PUM1: variants seen among roughly 807,000 people sequenced by gnomAD.
PUM1 encodes the protein pumilio RNA binding family member 1, also known as pumilio homolog 1.
A neutral mutation model predicts 131.8 loss-of-function variants in PUM1; 13 were observed. That is an observed-to-expected ratio of 0.10 (90% confidence interval 0.06 to 0.16). The LOEUF is 0.16. Among genes scored for constraint, PUM1 ranks in the 10% least tolerant of loss-of-function variants. PUM1 has a pLI of 1.00. For missense variants in PUM1, 961 were observed against 1,512.4 expected (o/e 0.64, Z 6.05); for synonymous variants, 509 against 556.5 (o/e 0.91, Z 1.20).
At chr1:31,035,477 C>G (rs1247819435) in intron 2 of PUM1, among the ~76,000 whole-genome samples, 1 of 152,024 alleles carries the variant, frequency 6.6e-6, no homozygotes, top group African/African-American at 2.4e-5. Context: ...GTTGGTGGGG[C>G]GCAGTGGCTC....
rs200492434 is a variant in PUM1 at position 31,038,958 on chromosome 1, T to TTATATATA, written c.364-10102_364-10095dup. ...TAGCCATTTAAAATGTTTTAAAATT[T>TTATATATA]TATATATATATATATATATATATAT... On this transcript the variant is annotated intron_variant, in intron 2 of 21. Transcript: ENST00000426105. 1.3e-3 allele frequency among the ~76,000 whole-genome samples: 58 copies of TTATATATA among 43,910 alleles called. 1 individual carries two copies. The highest frequency in any genetic ancestry group is 4.6e-3 in the East Asian group (9 of 1,966). The allele number at this position is 43,910 out of a possible 152,430, so 28.8% of individuals were successfully genotyped here. A position where few individuals can be genotyped will look rare whatever the true frequency, so the allele number is the denominator to read the frequency against.
chr1:31,040,749 A>G (rs994426026), intron 2 of PUM1, among the ~76,000 whole-genome samples: 1 of 152,042 alleles, frequency 6.6e-6, no homozygotes, highest in African/African-American at 2.4e-5. Flanking sequence ...CTCTAAAACT[A>G]ATAATAAATT....
At chr1:30,962,802 CAG>C (rs1640471703) in intron 14 of PUM1, among the ~76,000 whole-genome samples, 1 of 152,094 alleles carries the variant, frequency 6.6e-6, no homozygotes, top group African/African-American at 2.4e-5. Flanking sequence ...ACTTCAACAG[CAG>C]AGTTAAATAT....
At chr1:30,938,904 T>TAGACAGAC (rs59153241) in intron 20 of PUM1, among the ~76,000 whole-genome samples, 8 of 70,834 alleles carry the variant, frequency 1.1e-4, no homozygotes, top group Admixed American at 2.9e-4. Flanking sequence ...GATAGATAGA[T>TAGACAGAC]AGACAGACAG....
Position 30,933,428 on chromosome 1 carries a change from TCACACACACATACA to T in PUM1, c.3436-100_3436-87del, listed in dbSNP as rs1259255289. ...CGGACATGCATTTGCATGTCATGCA[TCACACACACATACA>T]CACACACACACACACACACACACAC... On this transcript the variant is annotated intron_variant, in intron 21 of 21. Coordinates refer to ENST00000426105, the MANE Select transcript of PUM1 (RefSeq NM_001020658.2). The T allele has an allele frequency of 1.7e-5, 16 of 950,648 alleles. No homozygotes were observed. The East Asian group carries it at 2.4e-4, about 15-fold the overall frequency. 58.9% of individuals were successfully genotyped at this position (950,648 alleles called of 1,614,324 possible).
At chr1:30,952,120 C>G (rs1639959778) in intron 16 of PUM1, 114 bp downstream of exon 16, 1 of 1,007,146 alleles carries the variant, frequency 9.9e-7, no homozygotes, top group East Asian at 2.5e-5. Context: ...AAAAAGACCA[C>G]ACACCCTTCA....
chr1:30,933,209 C>A lies in PUM1; in HGVS notation c.*2G>T. 1 of 1,609,770 alleles carries A rather than the reference C, an allele frequency of 6.2e-7. No homozygotes were observed. The highest frequency in any genetic ancestry group is 1.7e-4 in the Middle Eastern group (1 of 6,044). ...AATGAGGGAACAGCGGGTGACACTG[C>A]CTCAGATGATACCATTAGGGGGGCC... On this transcript the variant is annotated 3_prime_UTR_variant, in exon 22 of 22. Coordinates refer to ENST00000426105, the MANE Select transcript of PUM1 (RefSeq NM_001020658.2).
At chr1:30,977,244 A>G (rs577703482) in intron 9 of PUM1, among the ~76,000 whole-genome samples, 5 of 152,224 alleles carry the variant, frequency 3.3e-5, no homozygotes, top group Non-Finnish European at 7.3e-5. Context: ...ATCAAGGTCA[A>G]GTGTGGAATT....
At position 30,966,051 on chromosome 1, in the gene PUM1, A is replaced by G. The variant is rs767161938; in HGVS notation, c.2017T>C (p.Leu673=). The change falls in exon 13 of 22, where the codon TTG becomes CTG. Residue 673 remains leucine, a synonymous_variant. Transcript: ENST00000426105. ...AGAGAACTGCTACTTCCGAATCCCA[A>G]GGATGTGTTGGCAGGCTGGGCAGAG... ...QGSAQPANTS[L]GFGSSSSLGA... 19 of 1,614,044 alleles carry G rather than the reference A, an allele frequency of 1.2e-5. No homozygotes were observed. The East Asian group carries it at 3.8e-4, about 32-fold the overall frequency.
At chr1:30,936,863 T>A in intron 20 of PUM1, 28 bp from the exon 21 acceptor site, 1 of 1,553,286 alleles carries the variant, frequency 6.4e-7, no homozygotes. Context: ...CAGGGACAAC[T>A]CTTACAAGAG....
chr1:30,934,088 A>G (rs969105845), intron 21 of PUM1, among the ~76,000 whole-genome samples: 16 of 152,042 alleles, frequency 1.1e-4, no homozygotes, highest in African/African-American at 3.9e-4. Flanking sequence ...AGGCTCTCCG[A>G]CCTATGCTCT....
chr1:30,969,030 G>A (rs776139199), intron 10 of PUM1, among the ~76,000 whole-genome samples: 23 of 152,102 alleles, frequency 1.5e-4, no homozygotes, highest in Non-Finnish European at 3.1e-4. Flanking sequence ...CAGGCCAGGC[G>A]TGGTGGCTCA....
chr1:30,945,418 G>A lies in PUM1; in HGVS notation c.2922C>T (p.His974=), dbSNP rs148194345. 105 of 1,613,978 alleles carry A rather than the reference G, an allele frequency of 6.5e-5. No homozygotes were observed. Among genetic ancestry groups the A allele is most frequent in the South Asian group, 8.8e-5 (8 of 91,084 alleles). Residue 974 remains histidine (H), a synonymous_variant, in exon 18 of 22, where the codon CAC becomes CAT. Coordinates refer to ENST00000426105, the MANE Select transcript of PUM1 (RefSeq NM_001020658.2). ...CACATTCAATGCATTTCTGAACCAC[G>A]TGATTGCCATTCTGATCTTTCACAC... The part of the protein sequence containing the change: ...LKCVKDQNGN[H]VVQKCIECVQ...
chr1:31,000,116 G>C (rs941181741), intron 5 of PUM1, among the ~76,000 whole-genome samples: 8 of 152,190 alleles, frequency 5.3e-5, no homozygotes, highest in African/African-American at 1.9e-4. Flanking sequence ...TCCTCAAATA[G>C]CTCGGGTAAG....
rs115080337 is a variant in PUM1, at chr1:31,029,665, T to C, written c.364-801A>G. On this transcript the variant is annotated intron_variant, in intron 2 of 21. Coordinates refer to ENST00000426105, the MANE Select transcript of PUM1 (RefSeq NM_001020658.2). ...GCTGTCTGAGGCTAGAGTCACCACC[T>C]ACCCCTGGGCAAGGGATTCAAGAGT... Among the ~76,000 whole-genome samples the C allele has an allele frequency of 7.9e-4, 121 of 152,310 alleles. 1 individual carries two copies. The highest frequency in any genetic ancestry group is 1.0e-3 in the Admixed American group (16 of 15,302).
At chr1:30,994,944 A>C (rs922998640) in intron 6 of PUM1, 110 bp downstream of exon 6, 3 of 1,215,252 alleles carry the variant, frequency 2.5e-6, no homozygotes, top group African/African-American at 1.5e-5. Context: ...TGGATTCTTA[A>C]AAAGAAAACA....
intron 11 of PUM1, 158 bp downstream of exon 11, chr1:30,968,196 T>TA (rs776608978): frequency 1.0e-6 from 1 of 961,924 alleles, no homozygotes; most frequent in Non-Finnish European, 1.7e-6. Flanking sequence ...ATCAGTGAAC[T>TA]ATAGTCTAAG....
intron 2 of PUM1, among the ~76,000 whole-genome samples, chr1:31,040,045 G>C (rs1262364945): frequency 6.6e-6 from 1 of 152,156 alleles, no homozygotes; most frequent in South Asian, 2.1e-4. Flanking sequence ...TTATCATTGA[G>C]AATTCTAATT....
intron 3 of PUM1, among the ~76,000 whole-genome samples, chr1:31,012,049 T>C (rs1263345501): frequency 1.3e-5 from 2 of 152,170 alleles, no homozygotes; most frequent in African/African-American, 2.4e-5. Flanking sequence ...TCTGGTTAGA[T>C]AGTAGCTTAA....
Sources: allele counts gnomAD v4.1 joint callset (sites outside exome capture counted in the v4.1 genomes callset), GRCh38; gene constraint gnomAD v4.1.1; transcripts MANE v1.5; gene names NCBI Gene and HGNC (gene_info 2026-07-23, HGNC 2026-07-21).